Variants in PTPRM observed in about 807,000 individuals in gnomAD.
PTPRM encodes the protein receptor-type tyrosine-protein phosphatase mu.
Under a neutral mutation model 186.7 loss-of-function variants are expected in PTPRM, and 47 were observed. That is an observed-to-expected ratio of 0.25 (90% CI 0.20 to 0.32). PTPRM has a LOEUF of 0.32. Among genes scored for constraint, PTPRM ranks in the 10% least tolerant of loss-of-function variants. The probability of loss-of-function intolerance (pLI) is 1.00; values close to 1 mark genes in which losing one functional copy is unlikely to be tolerated. For missense variants in PTPRM, 1,494 were observed against 1,865.0 expected (o/e 0.80, Z 3.66); for synonymous variants, 668 against 674.9 (o/e 0.99, Z 0.16).
intron 19 of PTPRM, among the ~76,000 whole-genome samples, chr18:8,266,468 G>T (rs111241819): frequency 0.035 from 5,366 of 151,540 alleles, 105 homozygotes; most frequent in South Asian, 0.057. Context: ...TCGTATTATT[G>T]TCACATGTAT....
intron 14 of PTPRM, among the ~76,000 whole-genome samples, chr18:8,219,929 C>G (rs973765668): frequency 3.9e-5 from 6 of 152,126 alleles, no homozygotes; most frequent in Admixed American, 1.3e-4. Flanking sequence ...CTTATGATCT[C>G]TATTTTAACA....
intron 2 of PTPRM, among the ~76,000 whole-genome samples, chr18:7,834,514 A>ACACACACACACACACACACACACT (rs2045934792): frequency 6.8e-6 from 1 of 146,774 alleles, no homozygotes; most frequent in Non-Finnish European, 1.5e-5. Context: ...ACACACACAC[A>ACACACACACACACACACACACACT]CACACACACA....
chr18:8,068,507 T>A (rs968996672), intron 7 of PTPRM, among the ~76,000 whole-genome samples: 1 of 152,210 alleles, frequency 6.6e-6, no homozygotes, highest in Non-Finnish European at 1.5e-5. Context: ...TTGTTTTAAA[T>A]TATGCAAAAA....
chr18:7,978,410 G>A (rs1397653777), intron 7 of PTPRM, among the ~76,000 whole-genome samples: 2 of 152,132 alleles, frequency 1.3e-5, no homozygotes, highest in African/African-American at 2.4e-5. Flanking sequence ...GCATGTTGCT[G>A]TAAACAGTTT....
In PTPRM at chr18:8,054,298, A is replaced by T. The variant is rs10853360; in HGVS notation, c.1133-15388A>T. The stretch of plus-strand genomic sequence containing the variant: ...AGTAGTAATATATACTAGTAGTAGT[A>T]ATATATATATATATATATATATATT... On this transcript the variant is annotated intron_variant, in intron 7 of 32. Coordinates refer to ENST00000580170, the MANE Select transcript of PTPRM (RefSeq NM_001105244.2). 5.0e-3 allele frequency among the ~76,000 whole-genome samples: 661 copies of T among 131,266 alleles called. 19 individuals are homozygous for T. The highest frequency in any genetic ancestry group is 0.017 in the African/African-American group (505 of 30,430). 86.1% of individuals were successfully genotyped at this position (131,266 alleles called of 152,430 possible).
chr18:7,577,940 A>G (rs2036733142), intron 1 of PTPRM, among the ~76,000 whole-genome samples: 1 of 152,156 alleles, frequency 6.6e-6, no homozygotes, highest in South Asian at 2.1e-4. Context: ...GGAGTGCAGC[A>G]TGCTTTGTCA....
intron 9 of PTPRM, among the ~76,000 whole-genome samples, chr18:8,078,063 A>T (rs2089925951): frequency 6.6e-6 from 1 of 152,194 alleles, no homozygotes; most frequent in Non-Finnish European, 1.5e-5. Context: ...AGTAGAACAG[A>T]TTGGTTCAGT....
At position 8,053,342 on chromosome 18, in the gene PTPRM, C is replaced by T. The variant is rs1247470815; in HGVS notation, c.1133-16344C>T. On this transcript the variant is annotated intron_variant, in intron 7 of 32. Coordinates refer to ENST00000580170, the MANE Select transcript of PTPRM (RefSeq NM_001105244.2). The stretch of plus-strand genomic sequence containing the variant: ...TGTAATCAGAAAAAATAATCCCCTA[C>T]ATTCTTTAATTTAAAAAATTAAATT... 3.9e-5 allele frequency among the ~76,000 whole-genome samples: 6 copies of T among 152,232 alleles called. No individual in the cohort carries two copies. The East Asian group carries it at 9.7e-4, about 24-fold the overall frequency.
At chr18:8,339,252 T>G (rs2095459396) in intron 22 of PTPRM, among the ~76,000 whole-genome samples, 1 of 152,022 alleles carries the variant, frequency 6.6e-6, no homozygotes, top group Admixed American at 6.6e-5. Flanking sequence ...CCCCTGCACC[T>G]TTCCTTCTCA....
intron 1 of PTPRM, among the ~76,000 whole-genome samples, chr18:7,689,368 C>T (rs974322742): frequency 1.3e-5 from 2 of 152,164 alleles, no homozygotes; most frequent in African/African-American, 2.4e-5. Context: ...ATCAGGTGCA[C>T]GCACCCTTGG....
intron 3 of PTPRM, among the ~76,000 whole-genome samples, chr18:7,905,049 A>G (rs1032921770): frequency 6.6e-6 from 1 of 151,720 alleles, no homozygotes; most frequent in African/African-American, 2.4e-5. Flanking sequence ...GCTGGAGTGC[A>G]ATGGCACAAT....
Position 7,568,729 on chromosome 18 carries a change from TGCCTGCACGCGCGCGCGGGGGC to T in PTPRM, c.73+840_73+861del, listed in dbSNP as rs1164986211. Among the ~76,000 whole-genome samples the T allele has an allele frequency of 1.3e-5, 2 of 152,028 alleles. No homozygotes were observed. The highest frequency in any genetic ancestry group is 2.9e-5 in the Non-Finnish European group (2 of 67,996). On this transcript the variant is annotated intron_variant, in intron 1 of 32. Transcript: ENST00000580170. The surrounding 1 kb of genome is among the most constrained non-coding windows in gnomAD (Gnocchi z 5.1). ...AAGCGTGTGAGTGTGTGCGCGTGTG[TGCCTGCACGCGCGCGCGGGGGC>T]GTTCTAAGCCCAGAGGAACCCCTCA...
At chr18:7,669,433 A>C (rs1055685525) in intron 1 of PTPRM, among the ~76,000 whole-genome samples, 3 of 152,148 alleles carry the variant, frequency 2.0e-5, no homozygotes, top group Non-Finnish European at 4.4e-5. Context: ...GTCCATTTGC[A>C]TGCCTATTGG....
At chr18:7,678,176 G>C (rs1322314695) in intron 1 of PTPRM, among the ~76,000 whole-genome samples, 1 of 152,128 alleles carries the variant, frequency 6.6e-6, no homozygotes, top group Admixed American at 6.6e-5. Context: ...CCCGGATAAA[G>C]GAAAACACCC....
chr18:8,025,211 A>G (rs2085494926), intron 7 of PTPRM, among the ~76,000 whole-genome samples: 1 of 152,172 alleles, frequency 6.6e-6, no homozygotes, highest in South Asian at 2.1e-4. Context: ...TTAATAGAGC[A>G]TCCCCAGGCC....
chr18:8,114,863 G>A (rs2091896084), intron 13 of PTPRM, 36 bp downstream of exon 13: 1 of 1,576,116 alleles, frequency 6.3e-7, no homozygotes, highest in African/African-American at 1.4e-5. Flanking sequence ...CCTAATTAAT[G>A]TTCCTTAAAA....
In PTPRM at chr18:7,788,784, A is replaced by T. The variant is rs1483709505; in HGVS notation, c.196+14513A>T. Among the ~76,000 whole-genome samples, 3 of 152,226 alleles carry T rather than the reference A, an allele frequency of 2.0e-5. No individual in the cohort carries two copies. The East Asian group carries it at 5.8e-4, about 29-fold the overall frequency. On this transcript the variant is annotated intron_variant, in intron 2 of 32. Transcript: ENST00000580170. ...AAATGAGTCCTAACAGAATTTGCTA[A>T]TATTTGAAAGGCATCATAGACAAAC...
chr18:8,087,143 T>C (rs1295943868), intron 10 of PTPRM, among the ~76,000 whole-genome samples: 1 of 152,152 alleles, frequency 6.6e-6, no homozygotes, highest in Non-Finnish European at 1.5e-5. Flanking sequence ...AAGATAATAT[T>C]ATCTAGCGCA....
intron 7 of PTPRM, among the ~76,000 whole-genome samples, chr18:7,997,825 G>T (rs2147727836): frequency 6.6e-6 from 1 of 152,296 alleles, no homozygotes; most frequent in East Asian, 1.9e-4. Context: ...AAACCACAGT[G>T]AGATAACTTT....
Sources: allele counts gnomAD v4.1 joint callset (sites outside exome capture counted in the v4.1 genomes callset), GRCh38; gene constraint gnomAD v4.1.1; non-coding constraint Gnocchi (gnomAD v3.1); transcripts MANE v1.5; gene names NCBI Gene and HGNC (gene_info 2026-07-23, HGNC 2026-07-21).